KCTD16: variants seen among roughly 807,000 people sequenced by gnomAD.
The protein encoded by KCTD16 is BTB/POZ domain-containing protein KCTD16.
A neutral mutation model predicts 33.2 loss-of-function variants in KCTD16; 13 were observed. That is an observed-to-expected ratio of 0.39 (90% confidence interval 0.25 to 0.62). The LOEUF (loss-of-function observed/expected upper bound fraction) is 0.62. Ranked by LOEUF, KCTD16 falls within the 20% of genes least tolerant of loss-of-function variation. KCTD16 has a pLI of 0.50. For missense variants in KCTD16, 441 were observed against 525.1 expected, an observed-to-expected ratio of 0.84 and a Z score of 1.57; for synonymous variants, 197 against 195.3, an observed-to-expected ratio of 1.01 and a Z score of -0.07.
intron 3 of KCTD16, among the ~76,000 whole-genome samples, chr5:144,291,556 A>G (rs1755896748): frequency 6.6e-6 from 1 of 152,186 alleles, no homozygotes; most frequent in Non-Finnish European, 1.5e-5. Flanking sequence ...TGTCCTTTAT[A>G]TATGGTAAGT....
intron 3 of KCTD16, among the ~76,000 whole-genome samples, chr5:144,336,843 C>T (rs1206102346): frequency 1.3e-5 from 2 of 152,034 alleles, no homozygotes. Context: ...CACACATACT[C>T]CTACATGCCT....
At chr5:144,405,907 C>A (rs551503717) in intron 3 of KCTD16, among the ~76,000 whole-genome samples, 1 of 152,130 alleles carries the variant, frequency 6.6e-6, no homozygotes, top group Non-Finnish European at 1.5e-5. Context: ...TGATACTAAG[C>A]CCCATTGGAA....
At chr5:144,172,691 C>T (rs902388325) in intron 1 of KCTD16, among the ~76,000 whole-genome samples, 1 of 152,144 alleles carries the variant, frequency 6.6e-6, no homozygotes, top group South Asian at 2.1e-4. Context: ...TTTTTACTTA[C>T]CCTCAGCATA....
At chr5:144,314,139 CT>C (rs1442271298) in intron 3 of KCTD16, among the ~76,000 whole-genome samples, 1 of 152,156 alleles carries the variant, frequency 6.6e-6, no homozygotes, top group Non-Finnish European at 1.5e-5. Flanking sequence ...TTTCATTTCA[CT>C]TAGAACAAAA....
At chr5:144,460,984 A>G (rs1754181183) in intron 3 of KCTD16, among the ~76,000 whole-genome samples, 1 of 152,214 alleles carries the variant, frequency 6.6e-6, no homozygotes, top group Non-Finnish European at 1.5e-5. Context: ...AATGAAAGGA[A>G]CATAACCTTC....
intron 3 of KCTD16, among the ~76,000 whole-genome samples, chr5:144,227,272 G>A (rs543997330): frequency 7.9e-5 from 12 of 152,180 alleles, no homozygotes; most frequent in African/African-American, 2.9e-4. Context: ...TTAAATAAAG[G>A]CTTGTAGAAG....
chr5:144,473,540 T>G, intron 3 of KCTD16, 120 bp from the exon 4 acceptor site: 1 of 1,079,774 alleles, frequency 9.3e-7, no homozygotes, highest in Non-Finnish European at 1.3e-6. Context: ...CCACTTTTTC[T>G]AAAAGCATGG....
At chr5:144,275,046 A>G (rs1755402391) in intron 3 of KCTD16, among the ~76,000 whole-genome samples, 1 of 152,228 alleles carries the variant, frequency 6.6e-6, no homozygotes, top group Non-Finnish European at 1.5e-5. Flanking sequence ...TTAAAATGCA[A>G]ATCGGTCTTC....
At chr5:144,464,575 T>C (rs887427131) in intron 3 of KCTD16, among the ~76,000 whole-genome samples, 1 of 152,164 alleles carries the variant, frequency 6.6e-6, no homozygotes, top group Non-Finnish European at 1.5e-5. Context: ...CTTAGAGTGT[T>C]ATTAGAATAA....
intron 3 of KCTD16, among the ~76,000 whole-genome samples, chr5:144,276,625 C>A (rs1350882343): frequency 6.6e-6 from 1 of 152,128 alleles, no homozygotes; most frequent in East Asian, 1.9e-4. Context: ...TCTATCTCGC[C>A]GGGCACGATG....
intron 3 of KCTD16, among the ~76,000 whole-genome samples, chr5:144,354,536 C>G (rs1751528854): frequency 6.6e-6 from 1 of 152,184 alleles, no homozygotes; most frequent in Non-Finnish European, 1.5e-5. Flanking sequence ...CCTCTAAACT[C>G]TGCAATTATT....
chr5:144,184,053 G>A (rs1427568584), intron 2 of KCTD16, among the ~76,000 whole-genome samples: 1 of 152,016 alleles, frequency 6.6e-6, no homozygotes, highest in Non-Finnish European at 1.5e-5. Context: ...GATGCCTACA[G>A]AACTATAAAG....
At chr5:144,464,008 G>A (rs1006565992) in intron 3 of KCTD16, among the ~76,000 whole-genome samples, 3 of 152,188 alleles carry the variant, frequency 2.0e-5, no homozygotes, top group Admixed American at 2.0e-4. Context: ...GCTAAATTTT[G>A]TCAGTCTTCC....
intron 2 of KCTD16, among the ~76,000 whole-genome samples, chr5:144,199,740 C>A (rs1580782494): frequency 1.1e-5 from 1 of 94,068 alleles, no homozygotes; most frequent in East Asian, 3.5e-4. Flanking sequence ...TTTTTTGAGA[C>A]AGAGTCTCGC....
intron 3 of KCTD16, among the ~76,000 whole-genome samples, chr5:144,343,315 A>C (rs868598999): frequency 6.6e-6 from 1 of 151,892 alleles, no homozygotes. Flanking sequence ...GGGAGGGTGT[A>C]TGTGTCGAGG....
chr5:144,207,366 G>A lies in KCTD16; in HGVS notation c.652G>A (p.Ala218Thr). 1 of 1,614,178 alleles carries A rather than the reference G, an allele frequency of 6.2e-7. No individual in the cohort carries two copies. The highest frequency in any genetic ancestry group is 8.5e-7 in the Non-Finnish European group (1 of 1,180,038). ...TLNESRDPDR[A>T]PERYTSRFYL... ...GAATGAAAGCAGAGACCCTGATCGA[G>A]CCCCAGAAAGATACACCTCCAGATT... Residue 218 changes from alanine (A) to threonine (T), a missense_variant, in exon 3 of 4, where the codon GCC (alanine) becomes ACC (threonine). Physicochemically the swap from Ala to Thr is moderately conservative, Grantham distance 58 (BLOSUM62 0). Coordinates refer to ENST00000512467, the MANE Select transcript of KCTD16 (RefSeq NM_020768.4).
intron 3 of KCTD16, among the ~76,000 whole-genome samples, chr5:144,336,758 A>G (rs1463254832): frequency 1.3e-5 from 2 of 152,114 alleles, no homozygotes; most frequent in Admixed American, 6.6e-5. Context: ...ATCTACTTCC[A>G]TCCATATGCT....
At chr5:144,340,228 C>G (rs1419225825) in intron 3 of KCTD16, among the ~76,000 whole-genome samples, 3 of 151,712 alleles carry the variant, frequency 2.0e-5, no homozygotes, top group Non-Finnish European at 2.9e-5. Context: ...CAGTGAAACC[C>G]CGTCTCTACT....
chr5:144,286,123 G>T, intron 3 of KCTD16, among the ~76,000 whole-genome samples: 1 of 151,600 alleles, frequency 6.6e-6, no homozygotes, highest in Non-Finnish European at 1.5e-5. Flanking sequence ...TGTTTTTTTC[G>T]CTTTGTTTTT....
Sources: allele counts gnomAD v4.1 joint callset (sites outside exome capture counted in the v4.1 genomes callset), GRCh38; gene constraint gnomAD v4.1.1; transcripts MANE v1.5; gene names NCBI Gene and HGNC (gene_info 2026-07-23, HGNC 2026-07-21).